Variants in UBE2Q2 observed in about 807,000 individuals in gnomAD.
The protein encoded by UBE2Q2 is ubiquitin conjugating enzyme E2 Q2.
A neutral mutation model predicts 59.9 loss-of-function variants in UBE2Q2; 54 were observed. The ratio of observed to expected loss-of-function variants is 0.90; its 90% CI spans 0.72 to 1.13. The LOEUF (loss-of-function observed/expected upper bound fraction) is 1.13. Ranked by LOEUF, UBE2Q2 falls within the 50% of genes most tolerant of loss-of-function variation. The probability of loss-of-function intolerance (pLI) is 0.00; values close to 1 mark genes in which losing one functional copy is unlikely to be tolerated. For synonymous variants in UBE2Q2, 165 were observed against 155.2 expected, an observed-to-expected ratio of 1.06 and a Z score of -0.47; for missense variants, 433 against 441.9, an observed-to-expected ratio of 0.98 and a Z score of 0.18.
intron 4 of UBE2Q2, among the ~76,000 whole-genome samples, chr15:75,870,497 T>G (rs530575556): frequency 6.6e-6 from 1 of 152,304 alleles, no homozygotes; most frequent in Non-Finnish European, 1.5e-5. Flanking sequence ...TTAAACCTTT[T>G]TTGTGCGCCC....
chr15:75,877,159 CA>C lies in UBE2Q2; in HGVS notation c.674-778del, dbSNP rs59289858. ...CTGGGCAGCAAGAGTGAGACTCTGT[CA>C]AAAAAAAAAAAAAAAAAAAAAAAGG... On this transcript the variant is annotated intron_variant, in intron 6 of 12. Transcript: ENST00000267938. Among the ~76,000 whole-genome samples, 586 of 67,564 alleles carry C rather than the reference CA, an allele frequency of 8.7e-3. 3 individuals carry two copies. The highest frequency in any genetic ancestry group is 0.032 in the African/African-American group (554 of 17,344). The allele number at this position is 67,564 out of a possible 152,430, so 44.3% of individuals were successfully genotyped here.
At chr15:75,868,858 G>T in intron 3 of UBE2Q2, 93 bp from the exon 4 acceptor site, 2 of 1,048,042 alleles carry the variant, frequency 1.9e-6, no homozygotes. Flanking sequence ...TCCAGTGACA[G>T]ATGTTTGAGA....
At chr15:75,875,204 A>G (rs1898009917) in intron 5 of UBE2Q2, among the ~76,000 whole-genome samples, 1 of 152,208 alleles carries the variant, frequency 6.6e-6, no homozygotes, top group Admixed American at 6.5e-5. Context: ...TTTAGTCTTC[A>G]TAGCCACCGT....
intron 3 of UBE2Q2, among the ~76,000 whole-genome samples, chr15:75,866,632 C>T (rs531610933): frequency 1.1e-4 from 17 of 152,260 alleles, no homozygotes; most frequent in African/African-American, 4.1e-4. Context: ...CTCTTACTTA[C>T]ATCTCTTCTG....
intron 3 of UBE2Q2, among the ~76,000 whole-genome samples, chr15:75,868,293 G>A (rs896378250): frequency 5.9e-5 from 9 of 152,174 alleles, no homozygotes; most frequent in African/African-American, 2.2e-4. Context: ...GTCAAAAATG[G>A]ATATGAAAGT....
chr15:75,848,841 C>G (rs1272227958), intron 1 of UBE2Q2, among the ~76,000 whole-genome samples: 2 of 152,080 alleles, frequency 1.3e-5, no homozygotes, highest in Non-Finnish European at 2.9e-5. Context: ...TCCTTTGTAA[C>G]AGTGTTATGT....
chr15:75,849,142 T>C (rs1213671845), intron 1 of UBE2Q2, among the ~76,000 whole-genome samples: 2 of 152,234 alleles, frequency 1.3e-5, no homozygotes, highest in African/African-American at 4.8e-5. Flanking sequence ...GTAAAATGAT[T>C]AGCAGGGAAC....
At chr15:75,851,129 ATTC>A (rs780305926) in intron 1 of UBE2Q2, among the ~76,000 whole-genome samples, 6 of 149,708 alleles carry the variant, frequency 4.0e-5, no homozygotes, top group African/African-American at 7.4e-5. Context: ...AATCCTGGAT[ATTC>A]TTCTTTTTTT....
In UBE2Q2 at chr15:75,879,205, A is replaced by T; in HGVS notation, c.825+17A>T. 2.7e-6 allele frequency: 4 copies of T among 1,481,424 alleles called. No homozygotes were observed. The highest frequency in any genetic ancestry group is 3.7e-6 in the Non-Finnish European group (4 of 1,079,206). 91.8% of individuals were successfully genotyped at this position (1,481,424 alleles called of 1,614,324 possible). On this transcript the variant is annotated intron_variant, in intron 8 of 12. Transcript: ENST00000267938. The stretch of plus-strand genomic sequence containing the variant: ...TCTTTTAAGGTAAGAAAATAGTTAC[A>T]GGACCCCATATACTTCCAGTGGGGT...
At chr15:75,869,108 A>ATTATTCCACAT in intron 4 of UBE2Q2, 98 bp downstream of exon 4, 3 of 1,002,328 alleles carry the variant, frequency 3.0e-6, no homozygotes, top group Non-Finnish European at 4.4e-6. Flanking sequence ...TTAATGTGGA[A>ATTATTCCACAT]TAATTGAAAG....
At chr15:75,893,549 T>A (rs973164906) in intron 11 of UBE2Q2, among the ~76,000 whole-genome samples, 2 of 152,278 alleles carry the variant, frequency 1.3e-5, no homozygotes, top group African/African-American at 4.8e-5. Context: ...AGAATGCCCA[T>A]ATGTAGATTT....
At position 75,900,603 on chromosome 15, in the gene UBE2Q2, A is replaced by G. The variant is rs1899702576; in HGVS notation, c.*1145A>G. The G allele has an allele frequency of 1.3e-5, 2 of 152,678 alleles. No homozygotes were observed. Among genetic ancestry groups the G allele is most frequent in the Non-Finnish European group, 2.9e-5 (2 of 68,040 alleles). 9.5% of individuals were successfully genotyped at this position (152,678 alleles called of 1,614,324 possible). ...CAGAAGCACATTTTTCTGCACAAACAAGTTACAAAGTTCAAAAGTGTTTCT... is the reference window on the plus strand; with the variant it reads ...CAGAAGCACATTTTTCTGCACAAACGAGTTACAAAGTTCAAAAGTGTTTCT... On this transcript the variant is annotated 3_prime_UTR_variant, in exon 13 of 13. Transcript: ENST00000267938.
At chr15:75,894,408 AAAAC>A (rs1567043778) in intron 11 of UBE2Q2, among the ~76,000 whole-genome samples, 3 of 152,010 alleles carry the variant, frequency 2.0e-5, no homozygotes, top group South Asian at 2.1e-4. Flanking sequence ...CTCTGTAAAA[AAAAC>A]AAAACAAAAC....
chr15:75,844,395 A>G (rs1266229599), intron 1 of UBE2Q2: 3 of 1,551,072 alleles, frequency 1.9e-6, no homozygotes, highest in Non-Finnish European at 2.6e-6. Flanking sequence ...TGGAATGCAG[A>G]CTCTGGTGCT....
At chr15:75,877,865 T>G in intron 6 of UBE2Q2, 96 bp from the exon 7 acceptor site, 1 of 1,100,194 alleles carries the variant, frequency 9.1e-7, no homozygotes, top group Non-Finnish European at 1.3e-6. Flanking sequence ...GAGCAAAATT[T>G]CTAGCTTTCG....
intron 1 of UBE2Q2, among the ~76,000 whole-genome samples, chr15:75,853,385 C>T (rs1194492718): frequency 2.6e-5 from 4 of 151,978 alleles, no homozygotes; most frequent in Non-Finnish European, 5.9e-5. Context: ...GCAGGAGAAT[C>T]GCTTGAACCT....
chr15:75,843,673 G>GT lies in UBE2Q2; in HGVS notation c.8dup (p.Ser4ValfsTer72). 1 of 1,601,994 alleles carries GT rather than the reference G, an allele frequency of 6.2e-7. No homozygotes were observed. The highest frequency in any genetic ancestry group is 8.5e-7 in the Non-Finnish European group (1 of 1,175,236). On this transcript the variant is annotated frameshift_variant, in exon 1 of 13. Transcript: ENST00000267938. LOFTEE classifies it high-confidence loss of function. ...CGCCGGAGATGAGGGGAAGATGTCCGTGTCAGGGCTCAAGGCCGAGCTGAA... is the reference window on the plus strand; with the variant it reads ...CGCCGGAGATGAGGGGAAGATGTCCGTTGTCAGGGCTCAAGGCCGAGCTGAA...
intron 3 of UBE2Q2, among the ~76,000 whole-genome samples, chr15:75,868,287 AAAAT>A (rs1567026801): frequency 6.6e-6 from 1 of 152,230 alleles, no homozygotes; most frequent in Non-Finnish European, 1.5e-5. Flanking sequence ...AACTTTGTCA[AAAAT>A]GGATATGAAA....
intron 9 of UBE2Q2, among the ~76,000 whole-genome samples, chr15:75,886,645 T>G (rs1050043242): frequency 3.3e-5 from 5 of 151,830 alleles, no homozygotes; most frequent in Admixed American, 2.0e-4. Flanking sequence ...CCCAGCACTT[T>G]CGGAGGCCAA....
Sources: allele counts gnomAD v4.1 joint callset (sites outside exome capture counted in the v4.1 genomes callset), GRCh38; gene constraint gnomAD v4.1.1; transcripts MANE v1.5; gene names NCBI Gene and HGNC (gene_info 2026-07-23, HGNC 2026-07-21).